The following ERC2 variants were observed in gnomAD, a reference collection of about 807,000 sequenced individuals.
The protein encoded by ERC2 is ELKS/RAB6-interacting/CAST family member 2.
In ERC2, 42 loss-of-function variants were observed where a neutral mutation model predicts 114.8. That is an observed-to-expected ratio of 0.37 (90% confidence interval 0.29 to 0.47). The LOEUF (loss-of-function observed/expected upper bound fraction) is 0.47. ERC2 is among the 20% of genes least tolerant of loss of function. ERC2 has a pLI of 0.99. For missense variants in ERC2, 939 were observed against 1,150.7 expected (o/e 0.82, Z 2.66); for synonymous variants, 454 against 425.5 (o/e 1.07, Z -0.82).
At chr3:56,185,877 T>C (rs1358463564) in intron 3 of ERC2, among the ~76,000 whole-genome samples, 1 of 151,840 alleles carries the variant, frequency 6.6e-6, no homozygotes, top group African/African-American at 2.4e-5. Context: ...CAGAGAGAGA[T>C]GCGGCAGATG....
chr3:56,281,192 C>T (rs1421577064), intron 3 of ERC2, among the ~76,000 whole-genome samples: 1 of 152,006 alleles, frequency 6.6e-6, no homozygotes, highest in African/African-American at 2.4e-5. Flanking sequence ...AATCCCAGCA[C>T]TTTGGGAGGC....
chr3:55,632,562 C>T (rs918340406), intron 17 of ERC2, among the ~76,000 whole-genome samples: 1 of 152,222 alleles, frequency 6.6e-6, no homozygotes, highest in African/African-American at 2.4e-5. Flanking sequence ...GGCCCAAAGA[C>T]ATCTGGCTTG....
chr3:56,411,896 T>C (rs2060954789), intron 2 of ERC2, among the ~76,000 whole-genome samples: 1 of 152,198 alleles, frequency 6.6e-6, no homozygotes, highest in Admixed American at 6.5e-5. Context: ...GTTGTCATAC[T>C]GCAACAGAAA....
At chr3:55,512,568 A>G (rs1411743663) in intron 17 of ERC2, among the ~76,000 whole-genome samples, 4 of 152,246 alleles carry the variant, frequency 2.6e-5, no homozygotes, top group Non-Finnish European at 4.4e-5. Context: ...AAAGGTAAAG[A>G]GAAACCCTAA....
At chr3:56,379,337 A>G (rs1186403591) in intron 2 of ERC2, among the ~76,000 whole-genome samples, 1 of 152,148 alleles carries the variant, frequency 6.6e-6, no homozygotes, top group African/African-American at 2.4e-5. Flanking sequence ...AAAGCCAACC[A>G]TATAGAGATG....
intron 1 of ERC2, among the ~76,000 whole-genome samples, chr3:56,446,611 C>CTTTTTTTTTTTTCTTTTT (rs2062575739): frequency 1.7e-5 from 2 of 120,240 alleles, no homozygotes; most frequent in African/African-American, 3.2e-5. Flanking sequence ...GCATTTTCTT[C>CTTTTTTTTTTTTCTTTTT]TTTTTTTTTT....
At chr3:55,895,138 T>C (rs952405852) in intron 13 of ERC2, among the ~76,000 whole-genome samples, 1 of 152,204 alleles carries the variant, frequency 6.6e-6, no homozygotes, top group African/African-American at 2.4e-5. Flanking sequence ...ACCTACAAGA[T>C]CTTTGACCTT....
intron 7 of ERC2, among the ~76,000 whole-genome samples, chr3:56,039,058 C>T (rs2074979727): frequency 6.6e-6 from 1 of 152,134 alleles, no homozygotes; most frequent in South Asian, 2.1e-4. Flanking sequence ...CAGACAGCAT[C>T]TATTATGTAC....
intron 17 of ERC2, among the ~76,000 whole-genome samples, chr3:55,675,560 G>A (rs1234447006): frequency 2.6e-5 from 4 of 152,194 alleles, no homozygotes; most frequent in African/African-American, 9.6e-5. Flanking sequence ...GGTTGGGGCT[G>A]TGGAGATGGT....
intron 3 of ERC2, among the ~76,000 whole-genome samples, chr3:56,184,282 T>C (rs1037540072): frequency 7.9e-5 from 12 of 152,224 alleles, no homozygotes; most frequent in African/African-American, 2.9e-4. Context: ...AATTTAGTTA[T>C]GTAGTTCAAT....
chr3:55,609,275 C>A (rs2058779599), intron 17 of ERC2, among the ~76,000 whole-genome samples: 1 of 152,212 alleles, frequency 6.6e-6, no homozygotes. Flanking sequence ...GCACAAGGTT[C>A]CACTGCAACT....
intron 3 of ERC2, among the ~76,000 whole-genome samples, chr3:56,211,043 T>C (rs1304277397): frequency 6.6e-6 from 1 of 152,184 alleles, no homozygotes; most frequent in Admixed American, 6.5e-5. Flanking sequence ...CTAAACCCTA[T>C]TCCATAAAAT....
At chr3:55,781,638 G>A (rs763008407) in intron 14 of ERC2, among the ~76,000 whole-genome samples, 4 of 152,048 alleles carry the variant, frequency 2.6e-5, no homozygotes, top group East Asian at 1.9e-4. Flanking sequence ...TTGGGAGGCC[G>A]AGGGGGGTGG....
chr3:56,169,241 T>C (rs889903566), intron 4 of ERC2, among the ~76,000 whole-genome samples: 1 of 152,250 alleles, frequency 6.6e-6, no homozygotes, highest in Non-Finnish European at 1.5e-5. Flanking sequence ...CACTCATATA[T>C]GTCTTCTTTG....
chr3:55,753,391 A>G (rs1162477176), intron 14 of ERC2, among the ~76,000 whole-genome samples: 1 of 152,202 alleles, frequency 6.6e-6, no homozygotes, highest in African/African-American at 2.4e-5. Flanking sequence ...CCTACCCCCG[A>G]GGTCACTAAG....
At chr3:56,103,597 G>T (rs2078477673) in intron 6 of ERC2, among the ~76,000 whole-genome samples, 1 of 152,012 alleles carries the variant, frequency 6.6e-6, no homozygotes, top group Non-Finnish European at 1.5e-5. Context: ...TATTTTTGGT[G>T]GTCACAATAG....
chr3:56,015,271 C>G (rs1014655407), intron 8 of ERC2, among the ~76,000 whole-genome samples: 7 of 152,154 alleles, frequency 4.6e-5, no homozygotes, highest in Admixed American at 3.9e-4. Flanking sequence ...CATAGGTAAA[C>G]GTGTGTAATG....
intron 2 of ERC2, among the ~76,000 whole-genome samples, chr3:56,376,678 G>A (rs553529451): frequency 5.9e-5 from 9 of 151,732 alleles, no homozygotes; most frequent in South Asian, 2.1e-4. Context: ...CAGGAGAACC[G>A]CTTGAATCCG....
chr3:56,379,200 A>G (rs115913139), intron 2 of ERC2, among the ~76,000 whole-genome samples: 2,485 of 152,286 alleles, frequency 0.016, 22 homozygotes, highest in Middle Eastern at 0.034. Context: ...TGAGTATACC[A>G]TATTGGCTAT....
Sources: allele counts gnomAD v4.1 joint callset (sites outside exome capture counted in the v4.1 genomes callset), GRCh38; gene constraint gnomAD v4.1.1; transcripts MANE v1.5; gene names NCBI Gene and HGNC (gene_info 2026-07-23, HGNC 2026-07-21).